TNRC6A: variants seen among roughly 807,000 people sequenced by gnomAD.
TNRC6A encodes the protein trinucleotide repeat containing adaptor 6A.
TNRC6A carries 44 observed loss-of-function variants against 221.2 expected under a neutral mutation model. The ratio of observed to expected loss-of-function variants is 0.20; its 90% CI spans 0.16 to 0.26. TNRC6A has a LOEUF of 0.26. Ranked by LOEUF, TNRC6A falls within the 10% of genes least tolerant of loss-of-function variation. The pLI is 1.00. For missense variants in TNRC6A, 2,199 were observed against 2,404.4 expected (o/e 0.91, Z 1.79); for synonymous variants, 847 against 838.5 (o/e 1.01, Z -0.18).
chr16:24,814,232 C>T (rs1420267998), intron 18 of TNRC6A, among the ~76,000 whole-genome samples: 1 of 151,812 alleles, frequency 6.6e-6, no homozygotes, highest in Non-Finnish European at 1.5e-5. Context: ...AAGAGTGGGG[C>T]TGGAGTGGCA....
chr16:24,788,929 T>C (rs1411610006), intron 5 of TNRC6A, among the ~76,000 whole-genome samples: 1 of 152,206 alleles, frequency 6.6e-6, no homozygotes, highest in African/African-American at 2.4e-5. Flanking sequence ...ATTACAAGCG[T>C]GAGCCACCAC....
chr16:24,730,409 C>G (rs1432995751), intron 2 of TNRC6A, 109 bp downstream of exon 2: 12 of 1,326,454 alleles, frequency 9.0e-6, no homozygotes, highest in African/African-American at 3.1e-5. Context: ...CTTCCGCACC[C>G]GGAGAGCAGA....
rs1490629293 is a variant in TNRC6A at position 24,789,251 on chromosome 16, A to C, written c.609A>C (p.Ser203=). 3 of 1,605,842 alleles carry C rather than the reference A, an allele frequency of 1.9e-6. No homozygotes were observed. In the African/African-American group the frequency reaches 4.0e-5, roughly 22 times the overall value. Residue 203 remains serine, a synonymous_variant, in exon 6 of 25, where the codon TCA becomes TCC. Coordinates refer to ENST00000395799, the MANE Select transcript of TNRC6A (RefSeq NM_014494.4). The part of the protein sequence containing the change: ...KNQSDINHST[S]GSHYENSQRG... ...TCCTAGATATAAACCACAGTACTTC[A>C]GGATCCCATTATGAAAATTCCCAGC...
chr16:24,806,182 ACCTTTT>A lies in TNRC6A; in HGVS notation c.4252-22_4252-17del. ...ACTTTGTAATGGTGTGATAGTAACA[ACCTTTT>A]CGCTATCTTTCCTCTAGCGATTGTT... On this transcript the variant is annotated intron_variant, in intron 15 of 24. Coordinates refer to ENST00000395799, the MANE Select transcript of TNRC6A (RefSeq NM_014494.4). 1 of 1,613,288 alleles carries A rather than the reference ACCTTTT, an allele frequency of 6.2e-7. No individual in the cohort carries two copies. Among genetic ancestry groups the A allele is most frequent in the Non-Finnish European group, 8.5e-7 (1 of 1,179,698 alleles).
intron 3 of TNRC6A, among the ~76,000 whole-genome samples, chr16:24,754,064 A>G (rs914218184): frequency 1.3e-5 from 2 of 152,174 alleles, no homozygotes; most frequent in African/African-American, 4.8e-5. Flanking sequence ...AAAATAATAT[A>G]TTGTGATAAT....
Position 24,699,885 on chromosome 16 carries a change from C to T in TNRC6A, n.403-50841C>T, listed in dbSNP as rs954381914. ...ATTTCCATTTTACAGATATGGACACCGAAGTTCTAAGAAGCTCAGCAATGT... is the reference window on the plus strand; with the variant it reads ...ATTTCCATTTTACAGATATGGACACTGAAGTTCTAAGAAGCTCAGCAATGT... On this transcript the variant is annotated intron_variant and non_coding_transcript_variant, in intron 2 of 2. Transcript: ENST00000566108. Among the ~76,000 whole-genome samples the T allele has an allele frequency of 4.6e-5, 7 of 152,192 alleles. No homozygotes were observed. The East Asian group carries it at 7.7e-4, about 17-fold the overall frequency.
intron 5 of TNRC6A, among the ~76,000 whole-genome samples, chr16:24,788,499 C>A (rs371786421): frequency 6.6e-6 from 1 of 152,096 alleles, no homozygotes; most frequent in African/African-American, 2.4e-5. Context: ...TACTAGAAAA[C>A]AGAGGGTGGA....
intron 3 of TNRC6A, among the ~76,000 whole-genome samples, chr16:24,754,342 A>G (rs1157763027): frequency 6.6e-6 from 1 of 152,198 alleles, no homozygotes; most frequent in Non-Finnish European, 1.5e-5. Flanking sequence ...GCTTTTTCAC[A>G]TTAAAAACAG....
chr16:24,641,441 G>T (rs1035804744), intron 2 of TNRC6A, among the ~76,000 whole-genome samples: 1 of 152,184 alleles, frequency 6.6e-6, no homozygotes, highest in Non-Finnish European at 1.5e-5. Context: ...GGAGGAAAAT[G>T]AAGAGGAAGA....
At chr16:24,728,068 C>T (rs1275791425), upstream of TNRC6A, among the ~76,000 whole-genome samples, 1 of 152,198 alleles carries the variant, frequency 6.6e-6, no homozygotes, top group African/African-American at 2.4e-5. Flanking sequence ...CATTCATTCA[C>T]TAGCTTAACC....
Position 24,745,541 on chromosome 16 carries a change from G to C in TNRC6A, c.54-5185G>C, listed in dbSNP as rs368102672. 3.3e-5 allele frequency among the ~76,000 whole-genome samples: 5 copies of C among 152,216 alleles called. No individual in the cohort carries two copies. In the East Asian group the frequency reaches 9.6e-4, roughly 29 times the overall value. ...TGTAACATACAGCTGGCTTCTATGT[G>C]AGGATGAGCTAGCTTGTGGTGTGTT... On this transcript the variant is annotated intron_variant, in intron 2 of 24. Coordinates refer to ENST00000395799, the MANE Select transcript of TNRC6A (RefSeq NM_014494.4).
intron 21 of TNRC6A, 123 bp from the exon 22 acceptor site, chr16:24,820,016 G>C: frequency 1.2e-6 from 1 of 867,464 alleles, no homozygotes; most frequent in Non-Finnish European, 1.8e-6. Flanking sequence ...AGTTGATTTG[G>C]GGTTTTAAAG....
chr16:24,800,396 A>G (rs147914766), intron 11 of TNRC6A, among the ~76,000 whole-genome samples: 3 of 152,322 alleles, frequency 2.0e-5, no homozygotes, highest in East Asian at 1.9e-4. Flanking sequence ...CTTTCAGGCA[A>G]TGGCATATAT....
At chr16:24,804,137 G>C (rs1460809305) in intron 11 of TNRC6A, 40 bp from the exon 12 acceptor site, 5 of 1,549,158 alleles carry the variant, frequency 3.2e-6, no homozygotes, top group Non-Finnish European at 4.3e-6. Context: ...AACCAATTGG[G>C]TTGTCTTCCT....
At chr16:24,783,245 C>T (rs2057892105) in intron 5 of TNRC6A, among the ~76,000 whole-genome samples, 1 of 152,102 alleles carries the variant, frequency 6.6e-6, no homozygotes, top group African/African-American at 2.4e-5. Context: ...TCTCCTGCTT[C>T]AGCCTCCTGA....
chr16:24,718,913 T>G (rs1301248476), intron 2 of TNRC6A, among the ~76,000 whole-genome samples: 4 of 151,728 alleles, frequency 2.6e-5, no homozygotes, highest in Non-Finnish European at 4.4e-5. Flanking sequence ...GGTGGGTGTC[T>G]GTAATCCCAG....
upstream of TNRC6A, among the ~76,000 whole-genome samples, chr16:24,729,399 G>C (rs560947348): frequency 2.0e-5 from 3 of 147,300 alleles, no homozygotes; most frequent in East Asian, 6.1e-4. Context: ...GGAGGGGAGG[G>C]ACTCCCCTCC....
At chr16:24,783,374 C>G (rs1176989134) in intron 5 of TNRC6A, among the ~76,000 whole-genome samples, 1 of 152,094 alleles carries the variant, frequency 6.6e-6, no homozygotes, top group Admixed American at 6.5e-5. Context: ...GGTAATATGC[C>G]CACCTCGGCC....
At chr16:24,805,285 A>G (rs2058407558) in intron 14 of TNRC6A, 134 bp downstream of exon 14, 2 of 1,284,178 alleles carry the variant, frequency 1.6e-6, no homozygotes, top group Non-Finnish European at 2.1e-6. Context: ...TTTTGAATTA[A>G]CTATTAAAAA....
Sources: gnomAD v4.1 joint callset for allele counts (sites outside exome capture counted in the v4.1 genomes callset) on GRCh38, gnomAD v4.1.1 for gene constraint, MANE v1.5 for transcripts, NCBI Gene and HGNC (gene_info 2026-07-23, HGNC 2026-07-21) for gene names.